AHNAK: variants seen among roughly 807,000 people sequenced by gnomAD.
The protein encoded by AHNAK is neuroblast differentiation-associated protein AHNAK.
In AHNAK, 23 loss-of-function variants were observed where a neutral mutation model predicts 37.8. The observed-to-expected ratio is 0.61, with a 90% confidence interval of 0.44 to 0.86. The LOEUF (loss-of-function observed/expected upper bound fraction) is 0.86, where lower values mean the gene tolerates loss of function less well. Among genes scored for constraint, AHNAK ranks in the 40% least tolerant of loss-of-function variants. The pLI, the probability that AHNAK is intolerant of heterozygous loss-of-function variation, is 0.00. For missense variants in AHNAK, 7,411 were observed against 7,319.4 expected (o/e 1.01, Z -0.46); for synonymous variants, 2,481 against 2,636.3 (o/e 0.94, Z 1.80).
Position 62,530,253 on chromosome 11 carries a change from G to A in AHNAK, c.4164C>T (p.Pro1388=), listed in dbSNP as rs755229317. 1.2e-6 allele frequency: 2 copies of A among 1,612,218 alleles called. No homozygotes were observed. The highest frequency in any genetic ancestry group is 2.2e-5 in the South Asian group (2 of 90,986). The part of the protein sequence containing the change: ...WHLKMPKVKM[P]KFSMPGFKGE... ...CTTTGAAGCCGGGCATGCTGAACTT[G>A]GGCATTTTCACCTTGGGCATCTTCA... Residue 1388 remains proline (P), a synonymous_variant, in exon 5 of 5, where the codon CCC becomes CCT. Coordinates refer to ENST00000378024, the MANE Select transcript of AHNAK (RefSeq NM_001620.3).
chr11:62,528,760 C>T lies in AHNAK; in HGVS notation c.5657G>A (p.Gly1886Asp), dbSNP rs1270649167. Reference protein sequence around the residue: ...SVPKLEGDLTGPSVGVEVPDV... With the variant: ...SVPKLEGDLTDPSVGVEVPDV... ...AGGCACCTCCACACCCACACTGGGG[C>T]CTGTTAAATCTCCCTCCAATTTTGG... The change falls in exon 5 of 5, where the codon GGC (glycine) becomes GAC (aspartate). Residue 1886 changes from glycine (G) to aspartate (D), a missense_variant. Transcript: ENST00000378024. 2.5e-6 allele frequency: 4 copies of T among 1,612,054 alleles called. No individual in the cohort carries two copies. The East Asian group carries it at 6.7e-5, about 27-fold the overall frequency.
rs1398299340 is a variant in AHNAK at position 62,529,089 on chromosome 11, T to A, written c.5328A>T (p.Ile1776=). ...GSKFKMPKLN[I]KAPKVSMPDV... ...CTGGCATGGAGACCTTGGGAGCTTT[T>A]ATATTCAACTTGGGCATCTTAAATT... is the stretch of plus-strand genomic sequence containing the variant. The change falls in exon 5 of 5, where the codon ATA becomes ATT. Residue 1776 remains isoleucine, a synonymous_variant. Coordinates refer to ENST00000378024, the MANE Select transcript of AHNAK (RefSeq NM_001620.3). The A allele has an allele frequency of 1.2e-6, 2 of 1,613,660 alleles. No individual in the cohort carries two copies. The highest frequency in any genetic ancestry group is 3.3e-5 in the Admixed American group (2 of 59,950).
intron 4 of AHNAK, among the ~76,000 whole-genome samples, chr11:62,495,601 T>C (rs1167607778): frequency 2.0e-5 from 3 of 150,210 alleles, no homozygotes; most frequent in African/African-American, 7.4e-5. Context: ...TAGCTGGGCA[T>C]GAAGGCATGC....
At position 62,524,439 on chromosome 11, in the gene AHNAK, A is replaced by G. The variant is rs765762275; in HGVS notation, c.9978T>C (p.Ser3326=). ...CCACTTCTGGGCCCTTTATATCCAA[A>G]CTGGGAGCTTTAATGTCACCTTCCA... ...PKLEGDIKAP[S]LDIKGPEVDV... Residue 3326 remains serine (S), a synonymous_variant, in exon 5 of 5, where the codon AGT becomes AGC. Coordinates refer to ENST00000378024, the MANE Select transcript of AHNAK (RefSeq NM_001620.3). 6.8e-6 allele frequency: 11 copies of G among 1,613,674 alleles called. No individual in the cohort carries two copies. The Admixed American group carries it at 1.8e-4, about 27-fold the overall frequency.
At chr11:62,451,104 C>T (rs1272685309) in intron 5 of AHNAK, among the ~76,000 whole-genome samples, 6 of 149,226 alleles carry the variant, frequency 4.0e-5, no homozygotes, top group African/African-American at 1.5e-4. Flanking sequence ...TTTTTGATAC[C>T]GAGTCTCAGT....
chr11:62,450,209 G>A (rs1311079632), intron 5 of AHNAK, among the ~76,000 whole-genome samples: 1 of 151,224 alleles, frequency 6.6e-6, no homozygotes, highest in Non-Finnish European at 1.5e-5. Context: ...AGGCTGCAGT[G>A]CAATGGTGTG....
Position 62,537,023 on chromosome 11 carries a change from G to A in AHNAK, c.-99-456C>T, listed in dbSNP as rs529003835. Among the ~76,000 whole-genome samples the A allele has an allele frequency of 7.4e-5, 11 of 149,326 alleles. No homozygotes were observed. In the East Asian group the frequency reaches 1.0e-3, roughly 14 times the overall value. On this transcript the variant is annotated intron_variant, in intron 1 of 4. Transcript: ENST00000378024. ...AGGCTGGAGTGCAATAGCGGATCTC[G>A]GCTCGCTGCAAGCTCCACCTCCCGG...
chr11:62,484,213 CA>C (rs199653799), intron 5 of AHNAK, among the ~76,000 whole-genome samples: 1 of 150,414 alleles, frequency 6.6e-6, no homozygotes, highest in Non-Finnish European at 1.5e-5. Context: ...CCCATTTCTA[CA>C]AAAAAAATTT....
intron 1 of AHNAK, among the ~76,000 whole-genome samples, chr11:62,536,870 G>A (rs1797176020): frequency 6.6e-6 from 1 of 151,950 alleles, no homozygotes; most frequent in African/African-American, 2.4e-5. Context: ...CAATAAAGGA[G>A]AAAAAATAGA....
chr11:62,488,936 G>A (rs1939447353), intron 5 of AHNAK, among the ~76,000 whole-genome samples: 1 of 151,840 alleles, frequency 6.6e-6, no homozygotes, highest in Non-Finnish European at 1.5e-5. Flanking sequence ...GGGTTTGGAA[G>A]AGCACAATAA....
chr11:62,519,911 T>A lies in AHNAK; in HGVS notation c.14506A>T (p.Lys4836Ter). Residue 4836 changes from lysine to a stop codon, truncating the protein, a stop_gained, in exon 5 of 5, where the codon AAG (lysine) becomes TAG (stop). Transcript: ENST00000378024. LOFTEE classifies it low-confidence loss of function (END_TRUNC). ...ATATTTATTTCAGGCATCTTGAACTTGGGGCCCTTCAGTTTTGCGTCTGGA... is the reference window on the plus strand; with the variant it reads ...ATATTTATTTCAGGCATCTTGAACTAGGGGCCCTTCAGTTTTGCGTCTGGA... ...EGPDAKLKGP[K>*]FKMPEINIKA... 2 of 1,613,976 alleles carry A rather than the reference T, an allele frequency of 1.2e-6. No homozygotes were observed. Among genetic ancestry groups the A allele is most frequent in the Non-Finnish European group, 1.7e-6 (2 of 1,179,922 alleles).
chr11:62,521,089 T>G lies in AHNAK; in HGVS notation c.13328A>C (p.Lys4443Thr). ...CTCAGGCATCTTAAATTTGGGCCCCTTCAATTTTCCTTCCGGACCTTCAAT... is the reference window on the plus strand; with the variant it reads ...CTCAGGCATCTTAAATTTGGGCCCCGTCAATTTTCCTTCCGGACCTTCAAT... The part of the protein sequence containing the change: ...VNIEGPEGKL[K>T]GPKFKMPEMN... Residue 4443 changes from lysine to threonine, a missense_variant, in exon 5 of 5, where the codon AAG (lysine) becomes ACG (threonine). Coordinates refer to ENST00000378024, the MANE Select transcript of AHNAK (RefSeq NM_001620.3). 1 of 1,614,070 alleles carries G rather than the reference T, an allele frequency of 6.2e-7. No homozygotes were observed. The highest frequency in any genetic ancestry group is 8.5e-7 in the Non-Finnish European group (1 of 1,180,002).
At chr11:62,474,417 C>T (rs1939102829) in intron 5 of AHNAK, among the ~76,000 whole-genome samples, 1 of 152,094 alleles carries the variant, frequency 6.6e-6, no homozygotes, top group South Asian at 2.1e-4. Flanking sequence ...AACTGCTGAC[C>T]TCGTGATCTG....
At position 62,520,297 on chromosome 11, in the gene AHNAK, G is replaced by T. The variant is rs1052343852; in HGVS notation, c.14120C>A (p.Pro4707His). Residue 4707 changes from proline (P) to histidine (H), a missense_variant, in exon 5 of 5, where the codon CCC (proline) becomes CAC (histidine). Physicochemically the swap from Pro to His is moderately conservative, Grantham distance 77. Coordinates refer to ENST00000378024, the MANE Select transcript of AHNAK (RefSeq NM_001620.3). ...GCTCATCTCAGGCATCTTGAACTTG[G>T]GGCCCTTTAGTTTCGCATCTGGACC... ...IEGPDAKLKG[P>H]KFKMPEMSIK... 1 of 1,612,878 alleles carries T rather than the reference G, an allele frequency of 6.2e-7. No individual in the cohort carries two copies. The highest frequency in any genetic ancestry group is 1.1e-5 in the South Asian group (1 of 91,040).
Position 62,507,741 on chromosome 11 carries a change from A to G in AHNAK, c.343-15910T>C, listed in dbSNP as rs1037551398. ...GGTTGCAGTAAGCTGAGATGGCACC[A>G]CTGCACTCCAGACTGGGCGACAGAG... On this transcript the variant is annotated intron_variant, in intron 4 of 5. Transcript: ENST00000257247. 3.9e-5 allele frequency among the ~76,000 whole-genome samples: 6 copies of G among 152,334 alleles called. No individual in the cohort carries two copies. In the South Asian group the frequency reaches 1.2e-3, roughly 32 times the overall value.
At chr11:62,484,459 G>A (rs1045530207) in intron 5 of AHNAK, among the ~76,000 whole-genome samples, 5 of 152,162 alleles carry the variant, frequency 3.3e-5, no homozygotes, top group African/African-American at 1.2e-4. Context: ...CTTTATGTAA[G>A]GTGTCAGAGA....
chr11:62,444,824 C>T (rs759066067), intron 5 of AHNAK, among the ~76,000 whole-genome samples: 7 of 152,210 alleles, frequency 4.6e-5, no homozygotes, highest in Non-Finnish European at 1.0e-4. Context: ...CACTGAATCC[C>T]GGAGCCTTCC....
At position 62,524,736 on chromosome 11, in the gene AHNAK, A is replaced by G. The variant is rs1312066830; in HGVS notation, c.9681T>C (p.Asn3227=). The G allele has an allele frequency of 1.2e-6, 2 of 1,614,020 alleles. No homozygotes were observed. The highest frequency in any genetic ancestry group is 1.7e-6 in the Non-Finnish European group (2 of 1,180,028). ...PKISMPDLDL[N]LKGPKMKGEV... ...CTCCTTTCATTTTAGGGCCTTTAAG[A>G]TTGAGGTCCAAATCAGGCATTGATA... Residue 3227 remains asparagine (N), a synonymous_variant, in exon 5 of 5, where the codon AAT becomes AAC. Coordinates refer to ENST00000378024, the MANE Select transcript of AHNAK (RefSeq NM_001620.3).
At chr11:62,534,132 C>T in intron 4 of AHNAK, 58 bp from the exon 5 acceptor site, 1 of 1,486,022 alleles carries the variant, frequency 6.7e-7, no homozygotes, top group South Asian at 1.4e-5. Context: ...TTAGCAGATG[C>T]CCGGCCACAG....
Sources: gnomAD v4.1 joint callset for allele counts (sites outside exome capture counted in the v4.1 genomes callset) on GRCh38, gnomAD v4.1.1 for gene constraint, MANE v1.5 for transcripts, NCBI Gene and HGNC (gene_info 2026-07-23, HGNC 2026-07-21) for gene names.